The following RUFY4 variants were observed in gnomAD, a reference collection of about 807,000 sequenced individuals.
The protein encoded by RUFY4 is RUN and FYVE domain-containing protein 4.
In RUFY4, 73 loss-of-function variants were observed where a neutral mutation model predicts 69.0. The observed-to-expected ratio is 1.06, with a 90% CI of 0.88 to 1.29. The LOEUF (loss-of-function observed/expected upper bound fraction) is 1.29, where lower values mean the gene tolerates loss of function less well. RUFY4 is among the 50% of genes most tolerant of loss of function. RUFY4 has a pLI of 0.00. For synonymous variants in RUFY4, 287 were observed against 271.8 expected, an observed-to-expected ratio of 1.06 and a Z score of -0.55; for missense variants, 770 against 705.6, an observed-to-expected ratio of 1.09 and a Z score of -1.03.
intron 9 of RUFY4, among the ~76,000 whole-genome samples, chr2:218,088,262 G>T (rs545406239): frequency 1.3e-5 from 2 of 152,150 alleles, no homozygotes; most frequent in South Asian, 4.2e-4. Context: ...GGGAGGTTGA[G>T]GCAGGGTTCA....
At chr2:218,069,965 C>G (rs1689444205), upstream of RUFY4, among the ~76,000 whole-genome samples, 1 of 152,182 alleles carries the variant, frequency 6.6e-6, no homozygotes, top group African/African-American at 2.4e-5. Context: ...GCAGCATGTG[C>G]TCAGCCCCAG....
At chr2:218,059,230 C>A (rs927812892) in intron 3 of RUFY4, 1 of 152,218 alleles carries the variant, frequency 6.6e-6, no homozygotes, top group Non-Finnish European at 1.5e-5. Flanking sequence ...GCAAAAGTAC[C>A]TTTGGGGGCC....
chr2:218,075,371 C>G (rs1689601013), exon 7 of RUFY4: 2 of 1,612,980 alleles, frequency 1.2e-6, no homozygotes, highest in African/African-American at 2.7e-5. Flanking sequence ...ACTCAACACC[C>G]AGCACCCAGG....
chr2:218,067,291 C>G (rs533849265), upstream of RUFY4, among the ~76,000 whole-genome samples: 2 of 152,328 alleles, frequency 1.3e-5, no homozygotes, highest in African/African-American at 4.8e-5. Flanking sequence ...ATACACACAG[C>G]ACACATGGGA....
In RUFY4 at chr2:218,075,252, G is replaced by T. The variant is rs774470704; in HGVS notation, c.760G>T (p.Glu254Ter). 1 of 1,576,602 alleles carries T rather than the reference G, an allele frequency of 6.3e-7. No individual in the cohort carries two copies. Among genetic ancestry groups the T allele is most frequent in the Admixed American group, 1.9e-5 (1 of 53,342 alleles). ...TCCTTTCTTTTTGGAAAAGAAGGGGGAAAGTTCCAGGAAACATAGGTACCC... is the reference window on the plus strand; with the variant it reads ...TCCTTTCTTTTTGGAAAAGAAGGGGTAAAGTTCCAGGAAACATAGGTACCC... The change falls in exon 7 of 11, where the codon GAA becomes TAA. Residue 254 changes from glutamate (E) to a stop codon, truncating the protein, a stop_gained. Coordinates refer to ENST00000344321, the Ensembl canonical transcript of RUFY4. LOFTEE classifies it high-confidence loss of function.
intron 9 of RUFY4, among the ~76,000 whole-genome samples, chr2:218,088,849 G>C (rs1242273505): frequency 1.3e-5 from 2 of 151,556 alleles, no homozygotes; most frequent in African/African-American, 2.4e-5. Flanking sequence ...CTCTGTCTCT[G>C]TGTCTCTTTC....
rs1187928006 is a variant in RUFY4, at chr2:218,045,831, G to A, written c.-1158+10437G>A. Among the ~76,000 whole-genome samples the A allele has an allele frequency of 4.0e-5, 6 of 149,286 alleles. No individual in the cohort carries two copies. In the East Asian group the frequency reaches 1.2e-3, roughly 29 times the overall value. ...TGATTTTTTTTTTTTTTGAGGCGGA[G>A]TCTCGCTCTGTTGCCCAGGCTGGAG... On this transcript the variant is annotated intron_variant and NMD_transcript_variant, in intron 2 of 13. Transcript: ENST00000457754.
intron 3 of RUFY4, 52 bp from the exon 6 acceptor site, chr2:218,072,727 G>A: frequency 7.2e-7 from 1 of 1,393,704 alleles, no homozygotes; most frequent in Non-Finnish European, 9.5e-7. Context: ...GTGTTACCTG[G>A]GCGCCCTTTG....
chr2:218,083,151 A>G (rs776728740), exon 9 of RUFY4: 5 of 1,613,730 alleles, frequency 3.1e-6, no homozygotes, highest in Non-Finnish European at 4.2e-6. Flanking sequence ...CAGCTGGAGC[A>G]GAAGCAACAG....
intron 9 of RUFY4, among the ~76,000 whole-genome samples, chr2:218,088,956 C>T (rs1312496182): frequency 6.7e-6 from 1 of 149,618 alleles, no homozygotes; most frequent in Non-Finnish European, 1.5e-5. Flanking sequence ...CCTCTTTCCC[C>T]TTCTCTCCAC....
intron 9 of RUFY4, among the ~76,000 whole-genome samples, chr2:218,088,055 G>A (rs7422358): frequency 0.45 from 67,839 of 151,954 alleles, 15,468 homozygotes; most frequent in Middle Eastern, 0.62. Flanking sequence ...GCAAAAAGAC[G>A]TCAGAAATGG....
chr2:218,048,368 T>C (rs1019482077), intron 2 of RUFY4, among the ~76,000 whole-genome samples: 3 of 152,198 alleles, frequency 2.0e-5, no homozygotes, highest in Non-Finnish European at 4.4e-5. Flanking sequence ...GCAAAAATCT[T>C]CTCCCATCCT....
At chr2:218,082,909 A>T (rs1689797421) in intron 8 of RUFY4, among the ~76,000 whole-genome samples, 1 of 37,040 alleles carries the variant, frequency 2.7e-5, no homozygotes, top group African/African-American at 1.6e-4. Flanking sequence ...GTTCTGTTAT[A>T]CTATGTGTGT....
chr2:218,058,171 A>G (rs115400407), intron 2 of RUFY4, among the ~76,000 whole-genome samples: 3,107 of 152,342 alleles, frequency 0.02, 51 homozygotes, highest in Non-Finnish European at 0.035. Flanking sequence ...AAATTACAAG[A>G]TGCAAAAGCC....
chr2:218,052,606 T>C (rs1248839081), intron 2 of RUFY4, among the ~76,000 whole-genome samples: 1 of 152,150 alleles, frequency 6.6e-6, no homozygotes, highest in East Asian at 1.9e-4. Context: ...AGTTTTAGGA[T>C]AGTTTCTTGC....
At chr2:218,072,608 T>C (rs535782381) in intron 3 of RUFY4, 109 bp downstream of exon 5, 1 of 1,442,844 alleles carries the variant, frequency 6.9e-7, no homozygotes, top group African/African-American at 1.4e-5. Flanking sequence ...CTGCTCTGCA[T>C]GTCTCCTAAG....
chr2:218,053,745 G>A (rs187775549), intron 2 of RUFY4, among the ~76,000 whole-genome samples: 11 of 152,194 alleles, frequency 7.2e-5, no homozygotes, highest in African/African-American at 2.2e-4. Flanking sequence ...TGATCCGCCC[G>A]CCTCGGCCTC....
chr2:218,070,609 GC>G lies in RUFY4; in HGVS notation c.5del (p.Ala2GlufsTer13). ...ATCACATCATTTCCAAGTACCCATG[GC>G]AGAAGAGGGAGCCATCCTCAAGGTC... On this transcript the variant is annotated frameshift_variant, in exon 1 of 11. Coordinates refer to ENST00000344321, the Ensembl canonical transcript of RUFY4. LOFTEE classifies it high-confidence loss of function. 1 of 1,537,562 alleles carries G rather than the reference GC, an allele frequency of 6.5e-7. No homozygotes were observed. The highest frequency in any genetic ancestry group is 8.7e-7 in the Non-Finnish European group (1 of 1,146,832).
At chr2:218,073,429 G>A (rs749286774) in intron 5 of RUFY4, 43 bp downstream of exon 7, 38 of 1,565,102 alleles carry the variant, frequency 2.4e-5, no homozygotes, top group Non-Finnish European at 3.3e-5. Context: ...TTGACACCTG[G>A]TCCCATGGCC....
Sources: gnomAD v4.1 joint callset for allele counts (sites outside exome capture counted in the v4.1 genomes callset) on GRCh38, gnomAD v4.1.1 for gene constraint, MANE v1.5 for transcripts, NCBI Gene and HGNC (gene_info 2026-07-23, HGNC 2026-07-21) for gene names.